The following CDH12 variants were observed in gnomAD, a reference collection of about 807,000 sequenced individuals.
CDH12 encodes the protein cadherin-12.
A neutral mutation model predicts 74.1 loss-of-function variants in CDH12; 41 were observed. The observed-to-expected ratio is 0.55, with a 90% CI of 0.43 to 0.72. CDH12 has a LOEUF of 0.72. CDH12 is among the 30% of genes least tolerant of loss of function. The pLI is 0.00. For missense variants in CDH12, 945 were observed against 977.2 expected (o/e 0.97, Z 0.44); for synonymous variants, 399 against 355.0 (o/e 1.12, Z -1.39).
At chr5:22,851,698 A>T (rs2126543150) in intron 1 of CDH12, among the ~76,000 whole-genome samples, 1 of 152,180 alleles carries the variant, frequency 6.6e-6, no homozygotes, top group African/African-American at 2.4e-5. Context: ...TTCGTCAATC[A>T]CCTGTTCATG....
intron 2 of CDH12, among the ~76,000 whole-genome samples, chr5:22,453,799 A>C (rs1159377837): frequency 2.0e-5 from 3 of 152,164 alleles, no homozygotes; most frequent in Admixed American, 2.0e-4. Flanking sequence ...TTCTGATTTG[A>C]TCATTACACG....
At position 22,850,690 on chromosome 5, in the gene CDH12, C is replaced by A. The variant is rs1467814308; in HGVS notation, c.-523+2368G>T. On this transcript the variant is annotated intron_variant, in intron 1 of 14. Coordinates refer to ENST00000382254, the MANE Select transcript of CDH12 (RefSeq NM_004061.5). ...TGCTAGAAGATGAACAGGATAATATCTTACTTTAAATGAGACATCTGTAAT... is the reference window on the plus strand; with the variant it reads ...TGCTAGAAGATGAACAGGATAATATATTACTTTAAATGAGACATCTGTAAT... Among the ~76,000 whole-genome samples the A allele has an allele frequency of 1.3e-5, 2 of 151,896 alleles. 1 individual carries two copies.
At chr5:22,664,057 G>A (rs1465060791) in intron 1 of CDH12, among the ~76,000 whole-genome samples, 1 of 152,024 alleles carries the variant, frequency 6.6e-6, no homozygotes, top group Non-Finnish European at 1.5e-5. Flanking sequence ...TAACATAATG[G>A]TAAAAGATAT....
intron 1 of CDH12, among the ~76,000 whole-genome samples, chr5:22,697,441 G>A (rs545063092): frequency 4.0e-5 from 6 of 151,858 alleles, no homozygotes; most frequent in Middle Eastern, 3.4e-3. Flanking sequence ...GCGTGGTGGC[G>A]GGCCCCTGTG....
intron 3 of CDH12, among the ~76,000 whole-genome samples, chr5:22,377,904 T>G (rs974748838): frequency 1.3e-5 from 2 of 152,182 alleles, no homozygotes; most frequent in Non-Finnish European, 2.9e-5. Flanking sequence ...TATGCTACAT[T>G]GCTAATATAC....
intron 3 of CDH12, among the ~76,000 whole-genome samples, chr5:22,260,136 G>A (rs562674681): frequency 6.6e-6 from 1 of 151,964 alleles, no homozygotes; most frequent in South Asian, 2.1e-4. Flanking sequence ...CTAATAACCA[G>A]AACACAATGT....
At chr5:22,489,011 T>C (rs1746728168) in intron 2 of CDH12, among the ~76,000 whole-genome samples, 1 of 150,270 alleles carries the variant, frequency 6.7e-6, no homozygotes, top group East Asian at 1.9e-4. Flanking sequence ...ATTTTTTTTC[T>C]ATTATTATGT....
At chr5:21,840,795 G>A (rs914008691) in intron 8 of CDH12, among the ~76,000 whole-genome samples, 1 of 152,146 alleles carries the variant, frequency 6.6e-6, no homozygotes, top group African/African-American at 2.4e-5. Flanking sequence ...GGGAAAACTG[G>A]CTAGCCATAT....
At chr5:21,754,773 T>A (rs1002422328) in intron 14 of CDH12, among the ~76,000 whole-genome samples, 5 of 152,212 alleles carry the variant, frequency 3.3e-5, no homozygotes, top group African/African-American at 1.2e-4. Context: ...CCCAGTTGTA[T>A]ATCTGTTGTC....
chr5:22,603,054 T>C (rs1736924900), intron 1 of CDH12, among the ~76,000 whole-genome samples: 1 of 152,148 alleles, frequency 6.6e-6, no homozygotes, highest in South Asian at 2.1e-4. Context: ...ACAGTTCCTA[T>C]TGACTAGATG....
intron 3 of CDH12, among the ~76,000 whole-genome samples, chr5:22,345,936 T>C (rs1332933580): frequency 6.6e-6 from 1 of 151,972 alleles, no homozygotes; most frequent in African/African-American, 2.4e-5. Flanking sequence ...AAATCCTGTC[T>C]TTACTAAAAA....
chr5:21,837,898 T>C (rs1338581138), intron 8 of CDH12, among the ~76,000 whole-genome samples: 1 of 152,122 alleles, frequency 6.6e-6, no homozygotes, highest in Non-Finnish European at 1.5e-5. Context: ...GTTCATGTAA[T>C]ACAAGCAGAA....
intron 4 of CDH12, among the ~76,000 whole-genome samples, chr5:22,086,333 T>A (rs906698008): frequency 2.3e-4 from 35 of 151,544 alleles, no homozygotes; most frequent in African/African-American, 5.8e-4. Flanking sequence ...ATATATTTAT[T>A]TATTTATTTA....
At chr5:22,202,354 A>G (rs559787515) in intron 4 of CDH12, among the ~76,000 whole-genome samples, 32 of 152,108 alleles carry the variant, frequency 2.1e-4, no homozygotes, top group African/African-American at 7.7e-4. Flanking sequence ...GAGATGAACA[A>G]TAAGGAGAAA....
At chr5:21,833,262 T>TATAATATATATTATATGTTATATAACAG in intron 8 of CDH12, among the ~76,000 whole-genome samples, 1 of 35,856 alleles carries the variant, frequency 2.8e-5, no homozygotes, top group South Asian at 8.4e-4. Flanking sequence ...TTATATAACA[T>TATAATATATATTATATGTTATATAACAG]ATAATATATA....
At chr5:22,626,393 T>G (rs1738299401) in intron 1 of CDH12, among the ~76,000 whole-genome samples, 1 of 152,092 alleles carries the variant, frequency 6.6e-6, no homozygotes, top group South Asian at 2.1e-4. Flanking sequence ...TTAAATGCAG[T>G]AGGTTCATAA....
intron 3 of CDH12, among the ~76,000 whole-genome samples, chr5:22,234,583 C>CTT (rs747291648): frequency 2.8e-5 from 4 of 140,718 alleles, no homozygotes; most frequent in African/African-American, 7.8e-5. Context: ...TTTTGTTTTG[C>CTT]TTTTTTTTTT....
intron 8 of CDH12, among the ~76,000 whole-genome samples, chr5:21,837,680 T>C (rs920005283): frequency 3.9e-5 from 6 of 152,186 alleles, no homozygotes; most frequent in Non-Finnish European, 7.4e-5. Flanking sequence ...TTTTAAAGAA[T>C]TGGCTTTTCT....
At chr5:21,861,900 G>GTA (rs1491420845) in intron 6 of CDH12, among the ~76,000 whole-genome samples, 1 of 1,554 alleles carries the variant, frequency 6.4e-4, no homozygotes, top group Non-Finnish European at 0.017. Flanking sequence ...GTCATTTCTA[G>GTA]TGTGTGTGTG....
Sources: gnomAD v4.1 joint callset for allele counts (sites outside exome capture counted in the v4.1 genomes callset) on GRCh38, gnomAD v4.1.1 for gene constraint, MANE v1.5 for transcripts, NCBI Gene and HGNC (gene_info 2026-07-23, HGNC 2026-07-21) for gene names.